RIT2: variants seen among roughly 807,000 people sequenced by gnomAD.
The protein encoded by RIT2 is Ras like without CAAX 2, also known as GTP-binding protein Rit2.
A neutral mutation model predicts 23.7 loss-of-function variants in RIT2; 24 were observed. That is an observed-to-expected ratio of 1.01 (90% CI 0.73 to 1.43). The LOEUF (loss-of-function observed/expected upper bound fraction) is 1.43. Among genes scored for constraint, RIT2 ranks in the 40% most tolerant of loss-of-function variants. RIT2 has a pLI of 0.00. For synonymous variants in RIT2, 107 were observed against 91.1 expected (o/e 1.17, Z -0.99); for missense variants, 236 against 266.9 (o/e 0.88, Z 0.81).
At chr18:42,811,498 G>T (rs886650952) in intron 4 of RIT2, among the ~76,000 whole-genome samples, 1 of 151,994 alleles carries the variant, frequency 6.6e-6, no homozygotes, top group Non-Finnish European at 1.5e-5. Flanking sequence ...GATCTGACAA[G>T]AGTTCCAAAA....
At chr18:42,865,878 T>C (rs142657635) in intron 4 of RIT2, among the ~76,000 whole-genome samples, 136 of 152,286 alleles carry the variant, frequency 8.9e-4, no homozygotes, top group African/African-American at 3.1e-3. Flanking sequence ...TCTTCCCAAA[T>C]GTTTTACCAA....
rs1269751965 is a variant in RIT2 at position 42,743,547 on chromosome 18, G to A, written c.600C>T (p.Ser200=). The A allele has an allele frequency of 6.2e-7, 1 of 1,613,770 alleles. No individual in the cohort carries two copies. Among genetic ancestry groups the A allele is most frequent in the African/African-American group, 1.3e-5 (1 of 74,878 alleles). Reference sequence around the variant, plus strand: ...AAGAACCTTTGAGCTTCTTCCACAGGCTGTCTTTTCTCTTCAGTTTCTTTT... The same window carrying A: ...AAGAACCTTTGAGCTTCTTCCACAGACTGTCTTTTCTCTTCAGTTTCTTTT... ...LMEKKLKRKD[S]LWKKLKGSLK... Residue 200 remains serine (S), a synonymous_variant, in exon 5 of 5, where the codon AGC becomes AGT. Transcript: ENST00000326695.
chr18:42,809,619 T>A (rs1598662908), intron 4 of RIT2, among the ~76,000 whole-genome samples: 1 of 151,866 alleles, frequency 6.6e-6, no homozygotes, highest in South Asian at 2.1e-4. Context: ...TGTCATAAAA[T>A]AACTGTCTAA....
chr18:43,107,555 C>T (rs948605659), intron 1 of RIT2, among the ~76,000 whole-genome samples: 2 of 152,206 alleles, frequency 1.3e-5, no homozygotes, highest in African/African-American at 4.8e-5. Flanking sequence ...GTATGGTTTA[C>T]TCAGCACCCT....
intron 3 of RIT2, 129 bp downstream of exon 3, chr18:42,973,945 C>A (rs1044697754): frequency 3.4e-6 from 2 of 594,184 alleles, no homozygotes; most frequent in East Asian, 3.3e-5. Flanking sequence ...AAATTTAATT[C>A]CTGATTGTTA....
intron 2 of RIT2, among the ~76,000 whole-genome samples, chr18:43,024,846 C>G (rs868606444): frequency 8.6e-5 from 13 of 151,750 alleles, no homozygotes; most frequent in Middle Eastern, 3.4e-3. Flanking sequence ...TGGTCAGTAT[C>G]GCTCATCAGA....
At chr18:43,027,646 TAGG>T (rs946093688) in intron 2 of RIT2, among the ~76,000 whole-genome samples, 3 of 152,032 alleles carry the variant, frequency 2.0e-5, no homozygotes, top group Admixed American at 1.3e-4. Flanking sequence ...GATGTGAAGA[TAGG>T]AGGAGAAGTT....
rs552670192 is a variant in RIT2 at position 42,826,189 on chromosome 18, T to C, written c.427-82469A>G. On this transcript the variant is annotated intron_variant, in intron 4 of 4. Transcript: ENST00000326695. The stretch of plus-strand genomic sequence containing the variant: ...TTCACGCACACACAAAAAATCCTAA[T>C]TGGGTTTATATATATTTAATCTCCA... Among the ~76,000 whole-genome samples, 14 of 152,162 alleles carry C rather than the reference T, an allele frequency of 9.2e-5. No individual in the cohort carries two copies. In the East Asian group the frequency reaches 2.5e-3, roughly 27 times the overall value.
chr18:42,887,610 T>C (rs1908057482), intron 4 of RIT2, among the ~76,000 whole-genome samples: 1 of 152,320 alleles, frequency 6.6e-6, no homozygotes, highest in African/African-American at 2.4e-5. Flanking sequence ...GGCAGTCTCC[T>C]ATGAAGTTAA....
chr18:43,088,523 A>C (rs529103642), intron 1 of RIT2, among the ~76,000 whole-genome samples: 21 of 152,194 alleles, frequency 1.4e-4, no homozygotes, highest in Non-Finnish European at 2.6e-4. Flanking sequence ...GCAAGAATAG[A>C]AACAGGACAG....
chr18:42,900,615 T>C (rs146181543), intron 4 of RIT2, among the ~76,000 whole-genome samples: 42 of 152,198 alleles, frequency 2.8e-4, no homozygotes, highest in African/African-American at 9.6e-4. Context: ...CTCTGTCTTC[T>C]AATACAGGCT....
intron 1 of RIT2, among the ~76,000 whole-genome samples, chr18:43,045,874 C>T (rs903031158): frequency 1.3e-5 from 2 of 152,042 alleles, no homozygotes; most frequent in South Asian, 2.1e-4. Flanking sequence ...TGCACCATAT[C>T]CTGAATAAAA....
chr18:43,112,952 G>A (rs1239608454), intron 1 of RIT2, among the ~76,000 whole-genome samples: 2 of 151,974 alleles, frequency 1.3e-5, no homozygotes, highest in African/African-American at 2.4e-5. Context: ...ACACAACCCA[G>A]GGTAATGGGG....
chr18:43,022,063 C>T (rs1231352220), intron 2 of RIT2, among the ~76,000 whole-genome samples: 1 of 152,056 alleles, frequency 6.6e-6, no homozygotes, highest in Non-Finnish European at 1.5e-5. Flanking sequence ...CCTAAATGTC[C>T]ATCAATGGAT....
At chr18:42,782,795 G>T (rs1375348893) in intron 4 of RIT2, among the ~76,000 whole-genome samples, 1 of 152,090 alleles carries the variant, frequency 6.6e-6, no homozygotes, top group African/African-American at 2.4e-5. Flanking sequence ...ATGTTTCAAT[G>T]ACAAGACAGA....
At chr18:43,060,952 A>G (rs1912629572) in intron 1 of RIT2, among the ~76,000 whole-genome samples, 1 of 152,122 alleles carries the variant, frequency 6.6e-6, no homozygotes, top group African/African-American at 2.4e-5. Flanking sequence ...TCTAATAGCA[A>G]CTAAATAATT....
At chr18:42,943,194 G>A (rs1444503636) in intron 3 of RIT2, among the ~76,000 whole-genome samples, 1 of 152,048 alleles carries the variant, frequency 6.6e-6, no homozygotes, top group Non-Finnish European at 1.5e-5. Flanking sequence ...CTATCAGAAT[G>A]CCCTTTTTTC....
At chr18:42,820,147 C>T (rs1224933414) in intron 4 of RIT2, among the ~76,000 whole-genome samples, 3 of 152,098 alleles carry the variant, frequency 2.0e-5, no homozygotes, top group African/African-American at 4.8e-5. Context: ...CTTGGCTGAA[C>T]CCATGGATAA....
At chr18:42,883,053 C>T (rs181772372) in intron 4 of RIT2, among the ~76,000 whole-genome samples, 91 of 151,890 alleles carry the variant, frequency 6.0e-4, no homozygotes, top group African/African-American at 2.0e-3. Flanking sequence ...CCAATAGATA[C>T]GTGTTTACGA....
Sources: gnomAD v4.1 joint callset for allele counts (sites outside exome capture counted in the v4.1 genomes callset) on GRCh38, gnomAD v4.1.1 for gene constraint, MANE v1.5 for transcripts, NCBI Gene and HGNC (gene_info 2026-07-23, HGNC 2026-07-21) for gene names.